The following LIPH variants were observed in gnomAD, a reference collection of about 807,000 sequenced individuals.
LIPH encodes the protein lipase member H.
A neutral mutation model predicts 47.6 loss-of-function variants in LIPH; 32 were observed. The observed-to-expected ratio is 0.67, with a 90% confidence interval of 0.51 to 0.90. The LOEUF is 0.90. LIPH is among the 40% of genes least tolerant of loss of function. LIPH has a pLI of 0.00. For synonymous variants in LIPH, 190 were observed against 195.6 expected (o/e 0.97, Z 0.24); for missense variants, 497 against 541.4 (o/e 0.92, Z 0.81).
rs1345436718 is a variant in LIPH at position 185,534,786 on chromosome 3, C to T, written c.396G>A (p.Lys132=). 6.2e-7 allele frequency: 1 copy of T among 1,613,616 alleles called. No homozygotes were observed. Among genetic ancestry groups the T allele is most frequent in the South Asian group, 1.1e-5 (1 of 91,050 alleles). ...TTACCAACATCTGGTCAATAAATTC[C>T]TTCAAGACCATGGCTACTTTTCTGG... is the stretch of plus-strand genomic sequence containing the variant. ...SKTRKVAMVL[K]EFIDQMLAEG... The change falls in exon 2 of 10, where the codon AAG becomes AAA. Residue 132 remains lysine, a synonymous_variant. Coordinates refer to ENST00000296252, the MANE Select transcript of LIPH (RefSeq NM_139248.3).
At chr3:185,509,162 G>A (rs1356111259) in intron 9 of LIPH, among the ~76,000 whole-genome samples, 3 of 151,752 alleles carry the variant, frequency 2.0e-5, no homozygotes, top group Non-Finnish European at 4.4e-5. Context: ...GTGGTAGTGC[G>A]TGTCTGTGGT....
chr3:185,537,347 A>G (rs1720533047), intron 1 of LIPH, among the ~76,000 whole-genome samples: 1 of 152,104 alleles, frequency 6.6e-6, no homozygotes, highest in Admixed American at 6.6e-5. Context: ...CCTAGAAAAC[A>G]GGTGGTTAAT....
At position 185,508,852 on chromosome 3, in the gene LIPH, C is replaced by T. The variant is rs759994648; in HGVS notation, c.1294G>A (p.Val432Ile). 1 of 1,613,410 alleles carries T rather than the reference C, an allele frequency of 6.2e-7. No individual in the cohort carries two copies. The highest frequency in any genetic ancestry group is 1.7e-5 in the Admixed American group (1 of 59,988). The change falls in exon 10 of 10, where the codon GTC (valine) becomes ATC (isoleucine). Residue 432 changes from valine to isoleucine, a missense_variant. Coordinates refer to ENST00000296252, the MANE Select transcript of LIPH (RefSeq NM_139248.3). ...ACTGTTTCAACGTTTTCCATCAGGA[C>T]AAGATCATACCGACACAGCTGAGGC... ...ERPQLCRYDLVLMENVETVFQ... is the reference protein window; with the variant it reads ...ERPQLCRYDLILMENVETVFQ...
At chr3:185,527,429 G>C (rs895765395) in intron 4 of LIPH, 55 bp downstream of exon 4, 3 of 1,168,918 alleles carry the variant, frequency 2.6e-6, no homozygotes, top group Non-Finnish European at 2.6e-6. Flanking sequence ...TCTCCCCAGG[G>C]GACACTCTTT....
intron 3 of LIPH, among the ~76,000 whole-genome samples, chr3:185,532,439 G>T (rs566096398): frequency 6.6e-6 from 1 of 151,888 alleles, no homozygotes; most frequent in Non-Finnish European, 1.5e-5. Context: ...GTGCCTGGGG[G>T]GGCGTTGAGG....
rs749351970 is a variant in LIPH, at chr3:185,508,838, G to A, written c.1308C>T (p.Asn436=). ...LCRYDLVLME[N]VETVFQPILC... is the part of the protein sequence containing the mutation. ...GAATAGGTTGGAAGACTGTTTCAAC[G>A]TTTTCCATCAGGACAAGATCATACC... is the stretch of plus-strand genomic sequence containing the variant. Residue 436 remains asparagine (N), a synonymous_variant, in exon 10 of 10, where the codon AAC becomes AAT. Transcript: ENST00000296252. 16 of 1,613,834 alleles carry A rather than the reference G, an allele frequency of 9.9e-6. No individual in the cohort carries two copies. Among genetic ancestry groups the A allele is most frequent in the South Asian group, 3.3e-5 (3 of 91,078 alleles).
Position 185,527,580 on chromosome 3 carries a change from C to T in LIPH, c.532G>A (p.Asp178Asn). The T allele has an allele frequency of 1.2e-6, 2 of 1,608,174 alleles. No individual in the cohort carries two copies. The highest frequency in any genetic ancestry group is 1.1e-5 in the South Asian group (1 of 90,530). ...DGWLGRITGL[D>N]PAGPLFNGKP... ...CCGTTGAATAAAGGGCCTGCAGGGT[C>T]GAGGCCTGGAAGGAAAACAGAGTCA... is the stretch of plus-strand genomic sequence containing the variant. The change falls in exon 4 of 10, where the codon GAC (aspartate) becomes AAC (asparagine). Residue 178 changes from aspartate to asparagine, a missense_variant. Transcript: ENST00000296252.
At chr3:185,530,625 G>A (rs571129335) in intron 3 of LIPH, among the ~76,000 whole-genome samples, 38 of 152,182 alleles carry the variant, frequency 2.5e-4, no homozygotes, top group African/African-American at 8.4e-4. Flanking sequence ...AGCCAAGATC[G>A]TGACACTGTA....
At chr3:185,547,809 G>A (rs1270662883) in intron 1 of LIPH, among the ~76,000 whole-genome samples, 1 of 143,938 alleles carries the variant, frequency 6.9e-6, no homozygotes, top group Non-Finnish European at 1.5e-5. Context: ...TGGGCAACAA[G>A]AGCAAAACTC....
At chr3:185,540,113 G>C (rs1046494677) in intron 1 of LIPH, among the ~76,000 whole-genome samples, 12 of 152,138 alleles carry the variant, frequency 7.9e-5, no homozygotes, top group African/African-American at 2.9e-4. Context: ...CCTGCATGAT[G>C]GTGTGAAGCC....
At position 185,534,803 on chromosome 3, in the gene LIPH, C is replaced by A; in HGVS notation, c.379G>T (p.Val127Leu). ...YTHASSKTRK[V>L]AMVLKEFIDQ... Reference sequence around the variant, plus strand: ...ATAAATTCCTTCAAGACCATGGCTACTTTTCTGGTCTTACTAGAGGCATGG... The same window carrying A: ...ATAAATTCCTTCAAGACCATGGCTAATTTTCTGGTCTTACTAGAGGCATGG... Residue 127 changes from valine (V) to leucine (L), a missense_variant, in exon 2 of 10, where the codon GTA (valine) becomes TTA (leucine). Physicochemically the swap from Val to Leu is conservative, Grantham distance 32 (BLOSUM62 1). Transcript: ENST00000296252. 1 of 1,613,396 alleles carries A rather than the reference C, an allele frequency of 6.2e-7. No individual in the cohort carries two copies. Among genetic ancestry groups the A allele is most frequent in the African/African-American group, 1.3e-5 (1 of 75,052 alleles).
chr3:185,518,658 G>GA (rs549595739), intron 6 of LIPH, among the ~76,000 whole-genome samples: 6 of 149,850 alleles, frequency 4.0e-5, no homozygotes, highest in Admixed American at 6.6e-5. Flanking sequence ...AAGCTGACTA[G>GA]AAAAAAAAAG....
intron 3 of LIPH, among the ~76,000 whole-genome samples, chr3:185,532,558 G>C (rs1317693273): frequency 6.6e-6 from 1 of 151,962 alleles, no homozygotes; most frequent in Non-Finnish European, 1.5e-5. Flanking sequence ...GGGAGGCCGA[G>C]ATGGGTGGAT....
chr3:185,528,754 C>T (rs1043709763), intron 3 of LIPH, among the ~76,000 whole-genome samples: 15 of 152,122 alleles, frequency 9.9e-5, no homozygotes, highest in African/African-American at 3.4e-4. Flanking sequence ...ATGCCTAAAC[C>T]GGTTTCTCAC....
At chr3:185,546,286 C>G (rs996763181) in intron 1 of LIPH, among the ~76,000 whole-genome samples, 2 of 148,998 alleles carry the variant, frequency 1.3e-5, no homozygotes, top group Non-Finnish European at 3.0e-5. Flanking sequence ...CAGCAGGTGG[C>G]AGTTGTGGTG....
chr3:185,519,832 A>G (rs1203047079), intron 5 of LIPH, among the ~76,000 whole-genome samples: 2 of 72,492 alleles, frequency 2.8e-5, no homozygotes, highest in Admixed American at 2.2e-4. Context: ...GTGACACTCC[A>G]TCTCAAAAAA....
intron 3 of LIPH, among the ~76,000 whole-genome samples, chr3:185,532,199 G>A (rs58843079): frequency 6.6e-6 from 1 of 152,086 alleles, no homozygotes; most frequent in Non-Finnish European, 1.5e-5. Context: ...AACTCTTGAA[G>A]GAAGTGCTGT....
chr3:185,513,440 T>C (rs1304808402), intron 8 of LIPH, among the ~76,000 whole-genome samples: 5 of 151,958 alleles, frequency 3.3e-5, no homozygotes, highest in Non-Finnish European at 5.9e-5. Flanking sequence ...CAAATATTGG[T>C]GAGGATGTGG....
At chr3:185,529,930 G>GAA (rs1303479719) in intron 3 of LIPH, among the ~76,000 whole-genome samples, 1 of 45,890 alleles carries the variant, frequency 2.2e-5, no homozygotes, top group Non-Finnish European at 5.3e-5. Flanking sequence ...AAGAAAGAAA[G>GAA]AAAGAAAGAA....
Sources: gnomAD v4.1 joint callset for allele counts (sites outside exome capture counted in the v4.1 genomes callset) on GRCh38, gnomAD v4.1.1 for gene constraint, MANE v1.5 for transcripts, NCBI Gene and HGNC (gene_info 2026-07-23, HGNC 2026-07-21) for gene names.